PABIR3: variants seen among roughly 807,000 people sequenced by gnomAD.
PABIR3 encodes PABIR family member 1.
Under a neutral mutation model 23.1 loss-of-function variants are expected in PABIR3, and 20 were observed. The ratio of observed to expected loss-of-function variants is 0.86; its 90% CI spans 0.61 to 1.26. The LOEUF is 1.26. Ranked by LOEUF, PABIR3 falls within the 50% of genes most tolerant of loss-of-function variation. The pLI is 0.00. For synonymous variants in PABIR3, 69 were observed against 68.5 expected, an observed-to-expected ratio of 1.01 and a Z score of -0.04; for missense variants, 189 against 195.4, an observed-to-expected ratio of 0.97 and a Z score of 0.20.
chrX:134,861,274 CAA>C, the PABIR3 span, among the ~76,000 whole-genome samples: 2 of 92,173 alleles, frequency 2.2e-5, no homozygotes, highest in African/African-American at 4.0e-5. Flanking sequence ...GAACCTGTTT[CAA>C]AAAAAAAAAG....
At chrX:134,807,493 CTT>C (rs747327273) in intron 1 of PABIR3, 45 bp from the exon 2 acceptor site, 4 of 1,158,896 alleles carry the variant, frequency 3.5e-6, no homozygotes. Context: ...CCTCTCTTCT[CTT>C]TTTCCCCTTT....
intron 2 of PABIR3, among the ~76,000 whole-genome samples, chrX:134,813,102 T>TAAA (rs1404528412): frequency 1.8e-5 from 2 of 110,895 alleles, no homozygotes; most frequent in Non-Finnish European, 3.8e-5. Context: ...TGGTGGGATT[T>TAAA]AAAAAAAAAT....
chrX:134,823,449 G>A (rs1357040641), intron 3 of PABIR3, among the ~76,000 whole-genome samples: 3 of 111,283 alleles, frequency 2.7e-5, no homozygotes, highest in Admixed American at 1.9e-4. Flanking sequence ...ATGCAGATGT[G>A]AACCTTAGTA....
At chrX:134,826,532 C>G (rs1426121023) in intron 3 of PABIR3, among the ~76,000 whole-genome samples, 4 of 111,082 alleles carry the variant, frequency 3.6e-5, no homozygotes, top group Non-Finnish European at 7.5e-5. Context: ...AGCTTATTAG[C>G]TGTCTTTTTT....
At chrX:134,811,028 T>C in intron 2 of PABIR3, 1 of 754,574 alleles carries the variant, frequency 1.3e-6, no homozygotes, top group Non-Finnish European at 1.6e-6. Flanking sequence ...TTGATGTTTC[T>C]TCTATATAAA....
chrX:134,802,025 C>G (rs765729023), intron 1 of PABIR3, among the ~76,000 whole-genome samples: 1 of 107,156 alleles, frequency 9.3e-6, no homozygotes, highest in African/African-American at 3.4e-5. Context: ...GCCGCCCCCA[C>G]CCCCCTGCCC....
At position 134,814,806 on chromosome X, in the gene PABIR3, G is replaced by A; in HGVS notation, c.146G>A (p.Arg49Lys). 8.3e-7 allele frequency: 1 copy of A among 1,201,015 alleles called. No homozygotes were observed. Among genetic ancestry groups the A allele is most frequent in the South Asian group, 1.8e-5 (1 of 54,841 alleles). Reference protein sequence around the residue: ...NSQVLQADMLRIRTNRTTFRN... With the variant: ...NSQVLQADMLKIRTNRTTFRN... ...CAGGTGTTGCAAGCTGACATGTTAA[G>A]AATTAGGACAAACAGAACAACATTT... is the stretch of plus-strand genomic sequence containing the variant. The change falls in exon 3 of 11, where the codon AGA becomes AAA. Residue 49 changes from arginine to lysine, a missense_variant. Transcript: ENST00000645433.
chrX:134,856,885 A>G (rs2082752874), downstream of PABIR3, among the ~76,000 whole-genome samples: 1 of 110,263 alleles, frequency 9.1e-6, no homozygotes, highest in Non-Finnish European at 1.9e-5. Context: ...GGTGGCAGGC[A>G]CCTGTAATCC....
intron 2 of PABIR3, 68 bp downstream of exon 2, chrX:134,807,776 A>G (rs1046144864): frequency 1.6e-4 from 163 of 1,023,308 alleles, no homozygotes; most frequent in Non-Finnish European, 1.8e-4. Context: ...GTGATTTCCT[A>G]TAGAATTCCC....
intron 3 of PABIR3, among the ~76,000 whole-genome samples, chrX:134,828,059 A>C (rs1355161311): frequency 4.0e-5 from 4 of 99,552 alleles, no homozygotes; most frequent in African/African-American, 1.5e-4. Flanking sequence ...ATATATATAT[A>C]TATATATATA....
intron 3 of PABIR3, among the ~76,000 whole-genome samples, chrX:134,815,969 T>C (rs1180394862): frequency 1.8e-5 from 2 of 111,585 alleles, no homozygotes; most frequent in Non-Finnish European, 3.8e-5. Flanking sequence ...GTGTGAGCCA[T>C]TGAATCCAGC....
At chrX:134,861,782 G>A in the PABIR3 span, among the ~76,000 whole-genome samples, 4 of 110,747 alleles carry the variant, frequency 3.6e-5, no homozygotes, top group Non-Finnish European at 5.7e-5. Flanking sequence ...CTGAAGAATT[G>A]AAGAGGAAGT....
At chrX:134,856,130 C>G (rs1014422944), downstream of PABIR3, among the ~76,000 whole-genome samples, 2 of 111,304 alleles carry the variant, frequency 1.8e-5, no homozygotes, top group Non-Finnish European at 1.9e-5. Flanking sequence ...TCTTGGTAAT[C>G]TTGACTATCT....
downstream of PABIR3, among the ~76,000 whole-genome samples, chrX:134,858,744 G>A (rs1325672822): frequency 9.0e-6 from 1 of 111,332 alleles, no homozygotes; most frequent in South Asian, 3.8e-4. Context: ...GTAATGTCTC[G>A]CAGATTTCTT....
At chrX:134,812,418 G>A (rs2080725424) in intron 2 of PABIR3, among the ~76,000 whole-genome samples, 1 of 111,761 alleles carries the variant, frequency 8.9e-6, no homozygotes, top group Admixed American at 9.6e-5. Flanking sequence ...AAAATGACTG[G>A]GAAAGTAAGT....
intron 9 of PABIR3, among the ~76,000 whole-genome samples, chrX:134,851,451 G>A (rs149300356): frequency 0.018 from 1,917 of 108,266 alleles, 47 homozygotes; most frequent in African/African-American, 0.061. Context: ...CAGGAGAATC[G>A]CCTGAATCCA....
chrX:134,861,673 CAAAAAAAAAA>C, the PABIR3 span, among the ~76,000 whole-genome samples: 7 of 30,940 alleles, frequency 2.3e-4, no homozygotes, highest in African/African-American at 7.2e-4. Context: ...GACTCCGCCT[CAAAAAAAAAA>C]AAAAAAAAAA....
upstream of PABIR3, among the ~76,000 whole-genome samples, chrX:134,804,679 A>T (rs778272182): frequency 1.7e-3 from 191 of 112,624 alleles, no homozygotes; most frequent in Non-Finnish European, 2.8e-3. Flanking sequence ...ATGAAACCTT[A>T]CTACCTGCCA....
chrX:134,828,067 A>ATG (rs1409553111), intron 3 of PABIR3, among the ~76,000 whole-genome samples: 1 of 100,654 alleles, frequency 9.9e-6, no homozygotes, highest in Non-Finnish European at 2.0e-5. Flanking sequence ...ATATATATAT[A>ATG]TATGTATATT....
Sources: gnomAD v4.1 joint callset for allele counts (sites outside exome capture counted in the v4.1 genomes callset) on GRCh38, gnomAD v4.1.1 for gene constraint, MANE v1.5 for transcripts, NCBI Gene and HGNC (gene_info 2026-07-23, HGNC 2026-07-21) for gene names.